Variants in PPP1R13B observed in about 807,000 individuals in gnomAD.
PPP1R13B encodes the protein protein phosphatase 1 regulatory subunit 13B.
In PPP1R13B, 44 loss-of-function variants were observed where a neutral mutation model predicts 119.8. That is an observed-to-expected ratio of 0.37 (90% CI 0.29 to 0.47). The LOEUF (loss-of-function observed/expected upper bound fraction) is 0.47, where lower values mean the gene tolerates loss of function less well. Among genes scored for constraint, PPP1R13B ranks in the 20% least tolerant of loss-of-function variants. The pLI, the probability that PPP1R13B is intolerant of heterozygous loss-of-function variation, is 0.99. For missense variants in PPP1R13B, 1,227 were observed against 1,413.5 expected (o/e 0.87, Z 2.12); for synonymous variants, 542 against 561.5 (o/e 0.97, Z 0.49).
chr14:103,835,254 C>G (rs1335012119), intron 1 of PPP1R13B, among the ~76,000 whole-genome samples: 1 of 152,074 alleles, frequency 6.6e-6, no homozygotes, highest in African/African-American at 2.4e-5. Flanking sequence ...TCCTGAGTAG[C>G]TGGGACCACT....
intron 1 of PPP1R13B, among the ~76,000 whole-genome samples, chr14:103,822,814 A>G (rs930229938): frequency 4.6e-5 from 7 of 151,996 alleles, no homozygotes; most frequent in Admixed American, 1.3e-4. Context: ...CTCCATCTCG[A>G]GAAAAAAAAA....
At chr14:103,736,363 C>G (rs1414582284) in intron 15 of PPP1R13B, 161 bp from the exon 16 acceptor site, 2 of 681,522 alleles carry the variant, frequency 2.9e-6, no homozygotes, top group Admixed American at 2.6e-5. Flanking sequence ...ACTAGGGCCC[C>G]CACCCGATAC....
At chr14:103,778,543 A>G in intron 4 of PPP1R13B, 1 of 532,162 alleles carries the variant, frequency 1.9e-6, no homozygotes. Flanking sequence ...TACATGTGTG[A>G]GCCACACACC....
At chr14:103,809,447 A>G (rs1222970359) in intron 1 of PPP1R13B, among the ~76,000 whole-genome samples, 1 of 152,136 alleles carries the variant, frequency 6.6e-6, no homozygotes, top group African/African-American at 2.4e-5. Context: ...AGCTTTCCAT[A>G]ATACCAAGAT....
At chr14:103,746,704 G>C (rs796469754) in intron 8 of PPP1R13B, 151 bp from the exon 9 acceptor site, 14 of 615,158 alleles carry the variant, frequency 2.3e-5, no homozygotes, top group African/African-American at 2.3e-4. Context: ...GCATCTAGAA[G>C]GGGAGACTGT....
At chr14:103,847,612 A>G (rs1004550494), upstream of PPP1R13B, 18 of 984,776 alleles carry the variant, frequency 1.8e-5, no homozygotes, top group Non-Finnish European at 1.9e-5. Context: ...CAGCCCCCGC[A>G]GGCCCCGCCC....
At chr14:103,766,351 T>C (rs886135889) in intron 4 of PPP1R13B, among the ~76,000 whole-genome samples, 1 of 152,110 alleles carries the variant, frequency 6.6e-6, no homozygotes, top group Non-Finnish European at 1.5e-5. Flanking sequence ...GTGAGAAAGC[T>C]AAGGCTCTGG....
chr14:103,742,374 A>G lies in PPP1R13B; in HGVS notation c.1321-83T>C, dbSNP rs1191497083. On this transcript the variant is annotated intron_variant, in intron 10 of 16. Transcript: ENST00000202556. This position sits in a 1 kb window ranked among gnomAD's most constrained non-coding sequence, Gnocchi z 4.9. Reference sequence around the variant, plus strand: ...TCCACCCACATTCCCAAGAGAATACACAGTAGAATTTGTAATCCGTCAAAT... The same window carrying G: ...TCCACCCACATTCCCAAGAGAATACGCAGTAGAATTTGTAATCCGTCAAAT... 1 of 1,470,376 alleles carries G rather than the reference A, an allele frequency of 6.8e-7. No homozygotes were observed. The highest frequency in any genetic ancestry group is 9.0e-7 in the Non-Finnish European group (1 of 1,107,124). The allele number at this position is 1,470,376 out of a possible 1,614,324, so 91.1% of individuals were successfully genotyped here.
intron 1 of PPP1R13B, among the ~76,000 whole-genome samples, chr14:103,812,239 T>A (rs898262306): frequency 1.7e-4 from 24 of 141,024 alleles, no homozygotes; most frequent in African/African-American, 6.2e-4. Context: ...TTCTCCCGCC[T>A]CAGCCTCCCG....
intron 1 of PPP1R13B, among the ~76,000 whole-genome samples, chr14:103,816,040 C>T (rs927837449): frequency 3.3e-5 from 5 of 151,952 alleles, no homozygotes; most frequent in Admixed American, 6.6e-5. Context: ...GCTGAGATCG[C>T]GCCACTGCAC....
chr14:103,803,663 ATAAT>A (rs1049141773), intron 1 of PPP1R13B, among the ~76,000 whole-genome samples: 11 of 150,994 alleles, frequency 7.3e-5, no homozygotes, highest in African/African-American at 2.4e-4. Flanking sequence ...AAATAAATAA[ATAAT>A]TAATTAATAA....
chr14:103,748,066 T>TACACACACACACACAC (rs58398068), intron 8 of PPP1R13B, among the ~76,000 whole-genome samples: 1 of 138,136 alleles, frequency 7.2e-6, no homozygotes, highest in African/African-American at 2.6e-5. Context: ...TTAAATCACA[T>TACACACACACACACAC]ACACACACAC....
At chr14:103,761,476 T>C (rs1339723640) in intron 4 of PPP1R13B, among the ~76,000 whole-genome samples, 1 of 151,866 alleles carries the variant, frequency 6.6e-6, no homozygotes, top group Non-Finnish European at 1.5e-5. Context: ...CTAGAAGCAC[T>C]ACATAGGCCG....
At position 103,776,562 on chromosome 14, in the gene PPP1R13B, T is replaced by G. The variant is rs149315609; in HGVS notation, c.354+2183A>C. 2.1e-3 allele frequency among the ~76,000 whole-genome samples: 317 copies of G among 152,220 alleles called. 2 individuals carry two copies. The highest frequency in any genetic ancestry group is 6.7e-3 in the African/African-American group (280 of 41,546). ...TGCCTAAGCTTAGATGCCTAGTTAGTGTTACAGCCAGAAAAAGAAACTCAA... is the reference window on the plus strand; with the variant it reads ...TGCCTAAGCTTAGATGCCTAGTTAGGGTTACAGCCAGAAAAAGAAACTCAA... On this transcript the variant is annotated intron_variant, in intron 4 of 16. Transcript: ENST00000202556.
intron 2 of PPP1R13B, among the ~76,000 whole-genome samples, chr14:103,786,631 G>C (rs895389513): frequency 1.3e-5 from 2 of 151,806 alleles, no homozygotes; most frequent in African/African-American, 4.8e-5. Context: ...CGGGCATGGT[G>C]GCAGGCACCT....
At chr14:103,781,346 C>G (rs74820498) in intron 3 of PPP1R13B, among the ~76,000 whole-genome samples, 2,782 of 152,248 alleles carry the variant, frequency 0.018, 37 homozygotes, top group Non-Finnish European at 0.027. Context: ...AGGACGGACC[C>G]TGGTCTAAGG....
At chr14:103,848,461 G>A (rs566292666), upstream of PPP1R13B, 54 of 985,450 alleles carry the variant, frequency 5.5e-5, no homozygotes, top group South Asian at 1.5e-3. Context: ...AGGGGGGTAG[G>A]CACCCGCTCG....
intron 7 of PPP1R13B, among the ~76,000 whole-genome samples, chr14:103,750,336 C>A (rs2084508647): frequency 6.6e-6 from 1 of 152,198 alleles, no homozygotes; most frequent in Non-Finnish European, 1.5e-5. Context: ...AAAAGGATGG[C>A]CTGAGTCACC....
In PPP1R13B at chr14:103,745,628, A is replaced by G. The variant is rs571985138; in HGVS notation, c.1150+745T>C. Among the ~76,000 whole-genome samples, 4 of 152,286 alleles carry G rather than the reference A, an allele frequency of 2.6e-5. No homozygotes were observed. In the East Asian group the frequency reaches 5.8e-4, roughly 22 times the overall value. On this transcript the variant is annotated intron_variant, in intron 9 of 16. Coordinates refer to ENST00000202556, the MANE Select transcript of PPP1R13B (RefSeq NM_015316.3). ...CACACAGCACCATTGTGAGGTCAAG[A>G]CCAAACCAACGATGTGTGGACTTTG... is the stretch of plus-strand genomic sequence containing the variant.
Sources: allele counts gnomAD v4.1 joint callset (sites outside exome capture counted in the v4.1 genomes callset), GRCh38; gene constraint gnomAD v4.1.1; non-coding constraint Gnocchi (gnomAD v3.1); transcripts MANE v1.5; gene names NCBI Gene and HGNC (gene_info 2026-07-23, HGNC 2026-07-21).